Variants in ASMTL observed in about 807,000 individuals in gnomAD.
ASMTL encodes probable bifunctional dTTP/UTP pyrophosphatase/methyltransferase protein.
In ASMTL, 57 loss-of-function variants were observed where a neutral mutation model predicts 60.3. That is an observed-to-expected ratio of 0.95 (90% CI 0.76 to 1.18). The LOEUF (loss-of-function observed/expected upper bound fraction) is 1.18, where lower values mean the gene tolerates loss of function less well. Ranked by LOEUF, ASMTL falls within the 50% of genes most tolerant of loss-of-function variation. ASMTL has a pLI of 0.00. For synonymous variants in ASMTL, 419 were observed against 373.0 expected, an observed-to-expected ratio of 1.12 and a Z score of -1.42; for missense variants, 981 against 852.6, an observed-to-expected ratio of 1.15 and a Z score of -1.88.
intron 11 of ASMTL, among the ~76,000 whole-genome samples, chrX:1,417,382 C>T (rs757952677): frequency 2.7e-5 from 4 of 147,898 alleles, no homozygotes; most frequent in East Asian, 4.0e-4. Context: ...TATGCAACCA[C>T]ACACCACAGA....
At chrX:1,438,997 C>T (rs2091042455) in intron 3 of ASMTL, 100 bp downstream of exon 3, 2 of 1,292,862 alleles carry the variant, frequency 1.5e-6, no homozygotes, top group Non-Finnish European at 2.2e-6. Flanking sequence ...GAGTCCACTG[C>T]TGTCTTAAGG....
intron 4 of ASMTL, chrX:1,435,290 G>A: frequency 1.5e-6 from 1 of 649,988 alleles, no homozygotes; most frequent in South Asian, 1.8e-5. Flanking sequence ...CACCAGCAGT[G>A]GCCCTGACGG....
chrX:1,419,906 TTCTC>T (rs1295529920), intron 9 of ASMTL, among the ~76,000 whole-genome samples: 3 of 150,862 alleles, frequency 2.0e-5, no homozygotes, highest in East Asian at 3.9e-4. Flanking sequence ...CACCACTGGC[TTCTC>T]TCTCTGACTC....
intron 5 of ASMTL, among the ~76,000 whole-genome samples, chrX:1,434,629 C>G (rs1431137517): frequency 2.6e-5 from 4 of 151,206 alleles, no homozygotes; most frequent in Non-Finnish European, 5.9e-5. Context: ...CATGGTGAAA[C>G]CCCGTCTCTA....
At chrX:1,417,638 T>C (rs1216996912) in intron 11 of ASMTL, among the ~76,000 whole-genome samples, 2 of 144,868 alleles carry the variant, frequency 1.4e-5, no homozygotes, top group Admixed American at 6.9e-5. Context: ...CATGCACACA[T>C]ATACCCACAC....
At chrX:1,413,506 C>T (rs1275758471) in intron 11 of ASMTL, among the ~76,000 whole-genome samples, 38 of 152,232 alleles carry the variant, frequency 2.5e-4, no homozygotes, top group African/African-American at 8.9e-4. Context: ...TCAGGCGCCC[C>T]AGGAGGGTTG....
chrX:1,424,536 CCACA>C, intron 8 of ASMTL, among the ~76,000 whole-genome samples: 1 of 149,744 alleles, frequency 6.7e-6, no homozygotes, highest in South Asian at 2.1e-4. Context: ...ACCCATCCAT[CCACA>C]CATCCATCCA....
upstream of ASMTL, chrX:1,452,969 C>T (rs1189200229): frequency 4.5e-5 from 31 of 693,984 alleles, no homozygotes; most frequent in Admixed American, 1.1e-3. Context: ...CCCGCCTCCG[C>T]GAGGCCACGC....
In ASMTL at chrX:1,452,878, G is replaced by C. The variant is rs746003201; in HGVS notation, c.-38C>G. The C allele has an allele frequency of 1.4e-6, 2 of 1,445,022 alleles. No homozygotes were observed. The highest frequency in any genetic ancestry group is 5.4e-5 in the East Asian group (2 of 36,812). 89.5% of individuals were successfully genotyped at this position (1,445,022 alleles called of 1,614,324 possible). A position where few individuals can be genotyped will look rare whatever the true frequency, so the allele number is the denominator to read the frequency against. ...GGGAGCCGGGCGTCCGCACTTCTGAGCCCGGAGCCCGCGGTGCGCGCAGCG... is the reference window on the plus strand; with the variant it reads ...GGGAGCCGGGCGTCCGCACTTCTGACCCCGGAGCCCGCGGTGCGCGCAGCG... On this transcript the variant is annotated 5_prime_UTR_variant, in exon 1 of 13. Transcript: ENST00000381317.
intron 11 of ASMTL, among the ~76,000 whole-genome samples, chrX:1,414,974 T>TC: frequency 6.6e-6 from 1 of 152,046 alleles, no homozygotes; most frequent in African/African-American, 2.4e-5. Context: ...GGAGTTTTGC[T>TC]GTGTTGCCCA....
intron 11 of ASMTL, among the ~76,000 whole-genome samples, chrX:1,416,096 C>G (rs182370220): frequency 5.3e-5 from 8 of 150,564 alleles, no homozygotes; most frequent in African/African-American, 1.7e-4. Context: ...CACGCACGGA[C>G]ACACAGTGAT....
intron 11 of ASMTL, among the ~76,000 whole-genome samples, chrX:1,417,516 C>CAT (rs764595652): frequency 0.93 from 138,994 of 149,962 alleles, 64,966 homozygotes; most frequent in East Asian, 1. Context: ...GATACAGACA[C>CAT]AGACATGCAC....
intron 1 of ASMTL, among the ~76,000 whole-genome samples, chrX:1,445,234 T>C (rs1490072922): frequency 6.6e-6 from 1 of 152,136 alleles, no homozygotes; most frequent in Non-Finnish European, 1.5e-5. Context: ...GCCGTCCTCC[T>C]TATAAAGAGG....
intron 12 of ASMTL, among the ~76,000 whole-genome samples, chrX:1,410,968 C>G (rs2089995536): frequency 6.6e-6 from 1 of 151,752 alleles, no homozygotes; most frequent in African/African-American, 2.4e-5. Context: ...GGTGGATCAC[C>G]CGAGGTTGGG....
intron 11 of ASMTL, among the ~76,000 whole-genome samples, chrX:1,416,143 A>T (rs2090243819): frequency 6.6e-6 from 1 of 150,902 alleles, no homozygotes; most frequent in Admixed American, 6.6e-5. Context: ...ACATGCACAG[A>T]TGGGCACACA....
chrX:1,433,169 C>T (rs1452236499), intron 5 of ASMTL, among the ~76,000 whole-genome samples: 11 of 152,074 alleles, frequency 7.2e-5, no homozygotes, highest in African/African-American at 2.7e-4. Flanking sequence ...CCCCTGAATC[C>T]CGGGGAATCT....
At chrX:1,411,140 T>C (rs777107108) in intron 12 of ASMTL, among the ~76,000 whole-genome samples, 4 of 151,472 alleles carry the variant, frequency 2.6e-5, no homozygotes, top group African/African-American at 4.8e-5. Context: ...GCCAAGATCG[T>C]GCCACTGCAC....
chrX:1,433,514 A>AT (rs1360706343), intron 5 of ASMTL, among the ~76,000 whole-genome samples: 1 of 149,846 alleles, frequency 6.7e-6, no homozygotes, highest in Admixed American at 6.7e-5. Flanking sequence ...AAAAAAAAAA[A>AT]AAAAAAAAAT....
intron 12 of ASMTL, among the ~76,000 whole-genome samples, chrX:1,408,017 TC>T (rs1391106988): frequency 1.4e-5 from 2 of 141,884 alleles, no homozygotes; most frequent in Non-Finnish European, 3.1e-5. Flanking sequence ...CTGGGCAACA[TC>T]GCAAGATCCC....
Sources: gnomAD v4.1 joint callset for allele counts (sites outside exome capture counted in the v4.1 genomes callset) on GRCh38, gnomAD v4.1.1 for gene constraint, MANE v1.5 for transcripts, NCBI Gene and HGNC (gene_info 2026-07-23, HGNC 2026-07-21) for gene names.